TTC39B: variants seen among roughly 807,000 people sequenced by gnomAD.
TTC39B encodes the protein tetratricopeptide repeat domain 39B, also known as tetratricopeptide repeat protein 39B.
Under a neutral mutation model 96.6 loss-of-function variants are expected in TTC39B, and 92 were observed. That is an observed-to-expected ratio of 0.95 (90% CI 0.80 to 1.13). The LOEUF is 1.13. TTC39B is among the 50% of genes most tolerant of loss of function. The pLI, the probability that TTC39B is intolerant of heterozygous loss-of-function variation, is 0.00. For synonymous variants in TTC39B, 367 were observed against 299.4 expected (o/e 1.23, Z -2.33); for missense variants, 955 against 809.3 (o/e 1.18, Z -2.18).
chr9:15,290,843 A>G (rs983546186), intron 1 of TTC39B, among the ~76,000 whole-genome samples: 3 of 152,150 alleles, frequency 2.0e-5, no homozygotes, highest in Non-Finnish European at 4.4e-5. Context: ...TGGAAAATGC[A>G]CAGGGCACAG....
intron 3 of TTC39B, among the ~76,000 whole-genome samples, chr9:15,219,126 A>G (rs1427518564): frequency 6.6e-6 from 1 of 152,194 alleles, no homozygotes; most frequent in African/African-American, 2.4e-5. Flanking sequence ...TCTTTTCTCT[A>G]CCACTTCCCA....
At position 15,235,756 on chromosome 9, in the gene TTC39B, G is replaced by A. The variant is rs567237161; in HGVS notation, c.276-9744C>T. ...AAGAAATAAAATATTTTCTAGACAA[G>A]CAAATACTAAGGGCATCTGTCACCA... On this transcript the variant is annotated intron_variant, in intron 2 of 19. Coordinates refer to ENST00000512701, the Ensembl canonical transcript of TTC39B. Among the ~76,000 whole-genome samples the A allele has an allele frequency of 4.6e-5, 7 of 152,226 alleles. No individual in the cohort carries two copies. In the East Asian group the frequency reaches 1.4e-3, roughly 29 times the overall value.
intron 18 of TTC39B, among the ~76,000 whole-genome samples, chr9:15,177,341 AAAAAGAAAAG>A (rs1270636161): frequency 6.6e-6 from 1 of 152,212 alleles, no homozygotes; most frequent in Non-Finnish European, 1.5e-5. Context: ...TCTCTTAAAA[AAAAAGAAAAG>A]AAAAGAAAAA....
At chr9:15,271,401 G>C (rs1009354419) in intron 1 of TTC39B, among the ~76,000 whole-genome samples, 1 of 152,142 alleles carries the variant, frequency 6.6e-6, no homozygotes, top group Non-Finnish European at 1.5e-5. Context: ...TGGCACCAGG[G>C]ACTGGTTTCA....
exon 20 of TTC39B, chr9:15,167,985 G>A (rs575745987): frequency 2.0e-5 from 3 of 152,154 alleles, no homozygotes; most frequent in Admixed American, 6.5e-5. Flanking sequence ...ACGATCAAAT[G>A]AAAGTTTAAG....
chr9:15,217,874 C>A (rs1820609007), intron 3 of TTC39B, among the ~76,000 whole-genome samples: 1 of 152,126 alleles, frequency 6.6e-6, no homozygotes, highest in Non-Finnish European at 1.5e-5. Flanking sequence ...GCTCACCATA[C>A]CTGTCCAACC....
intron 13 of TTC39B, 103 bp downstream of exon 13, chr9:15,189,471 C>G (rs1818726782): frequency 1.6e-6 from 2 of 1,214,166 alleles, no homozygotes; most frequent in Admixed American, 2.2e-5. Context: ...TTGTCTAGTC[C>G]ATATAGCCAA....
chr9:15,288,780 G>T (rs189413794), intron 1 of TTC39B, among the ~76,000 whole-genome samples: 1 of 152,330 alleles, frequency 6.6e-6, no homozygotes, highest in Non-Finnish European at 1.5e-5. Flanking sequence ...ACCCACCCCT[G>T]GATGCTGCCG....
exon 20 of TTC39B, chr9:15,164,867 C>T (rs1817489433): frequency 1.3e-5 from 2 of 152,102 alleles, no homozygotes. Flanking sequence ...TCTCCTTCTG[C>T]AAATATTAAT....
At chr9:15,187,894 G>T in intron 14 of TTC39B, 77 bp downstream of exon 14, 1 of 1,423,678 alleles carries the variant, frequency 7.0e-7, no homozygotes, top group South Asian at 1.5e-5. Flanking sequence ...ATACTACTGA[G>T]CAAACAGTCC....
At chr9:15,295,572 T>G (rs1359746578) in intron 1 of TTC39B, among the ~76,000 whole-genome samples, 1 of 152,220 alleles carries the variant, frequency 6.6e-6, no homozygotes, top group Non-Finnish European at 1.5e-5. Flanking sequence ...TTCAACATAC[T>G]GAAATGTTAG....
intron 2 of TTC39B, chr9:15,249,455 G>C (rs1393743566): frequency 6.5e-6 from 1 of 152,890 alleles, no homozygotes. Context: ...AATCTCTAAG[G>C]TTCTAATTAC....
intron 14 of TTC39B, 76 bp from the exon 15 acceptor site, chr9:15,187,111 C>A: frequency 2.9e-6 from 3 of 1,028,276 alleles, no homozygotes; most frequent in South Asian, 1.8e-5. Flanking sequence ...CAGGAATGAC[C>A]AACAAGTCTT....
At chr9:15,285,988 A>G (rs1171508010) in intron 1 of TTC39B, among the ~76,000 whole-genome samples, 1 of 152,206 alleles carries the variant, frequency 6.6e-6, no homozygotes, top group Non-Finnish European at 1.5e-5. Context: ...TCGATCAATC[A>G]ATCTAGCCAA....
chr9:15,208,506 A>G (rs1820005736), intron 6 of TTC39B, among the ~76,000 whole-genome samples: 1 of 152,242 alleles, frequency 6.6e-6, no homozygotes, highest in Non-Finnish European at 1.5e-5. Context: ...AAAAGGTTCA[A>G]TTTCTTTTGG....
chr9:15,223,387 C>T (rs1820952752), intron 3 of TTC39B, among the ~76,000 whole-genome samples: 1 of 152,232 alleles, frequency 6.6e-6, no homozygotes, highest in African/African-American at 2.4e-5. Context: ...CACTGCCTGG[C>T]TGTTGCACTT....
intron 6 of TTC39B, among the ~76,000 whole-genome samples, chr9:15,208,869 A>G (rs1255616689): frequency 6.6e-6 from 1 of 152,214 alleles, no homozygotes; most frequent in Non-Finnish European, 1.5e-5. Flanking sequence ...GTCCATAACA[A>G]GTTGATAATA....
At chr9:15,274,605 G>C (rs114204885) in intron 1 of TTC39B, among the ~76,000 whole-genome samples, 2,109 of 152,184 alleles carry the variant, frequency 0.014, 53 homozygotes, top group African/African-American at 0.049. Flanking sequence ...GAAAGCAATA[G>C]GGGCCCACAC....
chr9:15,229,356 G>A (rs1242691206), intron 2 of TTC39B, among the ~76,000 whole-genome samples: 2 of 152,106 alleles, frequency 1.3e-5, no homozygotes, highest in Non-Finnish European at 2.9e-5. Context: ...CCCACCCAAG[G>A]AACATTTAAT....
Sources: gnomAD v4.1 joint callset for allele counts (sites outside exome capture counted in the v4.1 genomes callset) on GRCh38, gnomAD v4.1.1 for gene constraint, MANE v1.5 for transcripts, NCBI Gene and HGNC (gene_info 2026-07-23, HGNC 2026-07-21) for gene names.